GRM5: variants seen among roughly 807,000 people sequenced by gnomAD.
GRM5 encodes glutamate metabotropic receptor 5, also known as metabotropic glutamate receptor 5.
Under a neutral mutation model 83.1 loss-of-function variants are expected in GRM5, and 19 were observed. The ratio of observed to expected loss-of-function variants is 0.23; its 90% CI spans 0.16 to 0.34. The LOEUF (loss-of-function observed/expected upper bound fraction) is 0.34. Among genes scored for constraint, GRM5 ranks in the 10% least tolerant of loss-of-function variants. The pLI is 1.00. For missense variants in GRM5, 1,160 were observed against 1,588.3 expected, an observed-to-expected ratio of 0.73 and a Z score of 4.58; for synonymous variants, 675 against 633.6, an observed-to-expected ratio of 1.07 and a Z score of -0.98.
At chr11:88,923,198 G>C (rs965646477) in intron 2 of GRM5, among the ~76,000 whole-genome samples, 1 of 151,996 alleles carries the variant, frequency 6.6e-6, no homozygotes, top group Non-Finnish European at 1.5e-5. Context: ...AATTTTACTG[G>C]TATGTACCCA....
intron 4 of GRM5, among the ~76,000 whole-genome samples, chr11:88,634,729 A>AT (rs566133102): frequency 5.3e-5 from 8 of 152,352 alleles, no homozygotes; most frequent in South Asian, 2.1e-4. Context: ...CCAAGTAATG[A>AT]TAAAAATATA....
chr11:88,615,900 T>A (rs1565155338), intron 4 of GRM5, among the ~76,000 whole-genome samples: 1 of 152,182 alleles, frequency 6.6e-6, no homozygotes, highest in East Asian at 1.9e-4. Context: ...AGGGGGTGAA[T>A]ATGCAAGATG....
intron 3 of GRM5, among the ~76,000 whole-genome samples, chr11:88,797,861 CCT>C (rs778246183): frequency 1.3e-5 from 2 of 150,522 alleles, no homozygotes; most frequent in Non-Finnish European, 1.5e-5. Flanking sequence ...TTGATCTCTT[CCT>C]CTCTCTCTCT....
intron 2 of GRM5, among the ~76,000 whole-genome samples, chr11:88,922,309 A>G (rs1183917785): frequency 7.2e-5 from 11 of 152,124 alleles, no homozygotes; most frequent in African/African-American, 7.2e-5. Context: ...AAACTGGAGG[A>G]ATGACATTAC....
At position 88,508,910 on chromosome 11, in the gene GRM5, C is replaced by T; in HGVS notation, c.3321G>A (p.Thr1107=). 2 of 1,601,064 alleles carry T rather than the reference C, an allele frequency of 1.2e-6. No homozygotes were observed. Among genetic ancestry groups the T allele is most frequent in the Non-Finnish European group, 1.7e-6 (2 of 1,174,502 alleles). Residue 1107 remains threonine, a synonymous_variant, in exon 10 of 10, where the codon ACG becomes ACA. Transcript: ENST00000305447. The surrounding 1 kb of genome is among the most constrained non-coding windows in gnomAD (Gnocchi z 4.2). ...GGATTTCGGCAAAGGTCGTCATGGT[C>T]GTGGGCAACTGGATCTCTTTGGGGA... ...YLIPKEIQLP[T]TMTTFAEIQP... is the part of the protein sequence containing the mutation.
chr11:89,049,497 G>A (rs1941712520), intron 1 of GRM5, among the ~76,000 whole-genome samples: 1 of 152,166 alleles, frequency 6.6e-6, no homozygotes, highest in East Asian at 1.9e-4. Flanking sequence ...CTTCAGGAAT[G>A]TATGTAAATA....
chr11:88,707,081 A>G lies in GRM5; in HGVS notation c.912-53678T>C, dbSNP rs564307570. 9.9e-5 allele frequency among the ~76,000 whole-genome samples: 15 copies of G among 152,152 alleles called. No homozygotes were observed. The South Asian group carries it at 2.9e-3, about 29-fold the overall frequency. ...CATTTCTGAGTCCCTCCAGGAGAAC[A>G]CTTGTGGATGATCAGATTGATCCTG... On this transcript the variant is annotated intron_variant, in intron 3 of 9. Coordinates refer to ENST00000305447, the MANE Select transcript of GRM5 (RefSeq NM_001143831.3).
chr11:88,561,984 G>GC (rs942846104), intron 8 of GRM5, among the ~76,000 whole-genome samples: 1 of 152,002 alleles, frequency 6.6e-6, no homozygotes, highest in Non-Finnish European at 1.5e-5. Flanking sequence ...GCTTCGTCTA[G>GC]CCCCCTTCTC....
chr11:88,872,309 A>C (rs572044061), intron 2 of GRM5, among the ~76,000 whole-genome samples: 1 of 151,736 alleles, frequency 6.6e-6, no homozygotes, highest in African/African-American at 2.4e-5. Flanking sequence ...CAATCATCTA[A>C]AAATTATAAT....
intron 2 of GRM5, among the ~76,000 whole-genome samples, chr11:88,951,090 T>C (rs1334571624): frequency 2.0e-5 from 3 of 152,134 alleles, no homozygotes; most frequent in African/African-American, 2.4e-5. Context: ...TGTGTGTGTG[T>C]GTGTATCTGT....
intron 4 of GRM5, among the ~76,000 whole-genome samples, chr11:88,624,812 T>A (rs913497056): frequency 6.6e-6 from 1 of 152,220 alleles, no homozygotes; most frequent in Non-Finnish European, 1.5e-5. Flanking sequence ...TGTTCAATAA[T>A]ACCTATTCAG....
intron 2 of GRM5, among the ~76,000 whole-genome samples, chr11:89,039,692 CTAAAGGTAGCAGTCAG>C (rs1941483152): frequency 6.6e-6 from 1 of 152,100 alleles, no homozygotes; most frequent in Admixed American, 6.5e-5. Context: ...TATCAGATAC[CTAAAGGTAGCAGTCAG>C]GGCCCTGCTG....
chr11:88,712,708 T>C (rs985651563), intron 3 of GRM5, among the ~76,000 whole-genome samples: 14 of 152,042 alleles, frequency 9.2e-5, no homozygotes, highest in African/African-American at 3.4e-4. Flanking sequence ...GGCCATGTCA[T>C]TGATAGTCAG....
At position 88,591,627 on chromosome 11, in the gene GRM5, A is replaced by G. The variant is rs1857702; in HGVS notation, c.1564-900T>C. ...CTTTATATTTCTAGTCTTAGATGCTAACTCTAGTAATGACCTTTGATAATA... is the reference window on the plus strand; with the variant it reads ...CTTTATATTTCTAGTCTTAGATGCTGACTCTAGTAATGACCTTTGATAATA... On this transcript the variant is annotated intron_variant, in intron 6 of 9. Coordinates refer to ENST00000305447, the MANE Select transcript of GRM5 (RefSeq NM_001143831.3). 9.9e-3 allele frequency among the ~76,000 whole-genome samples: 1,510 copies of G among 152,360 alleles called. 20 individuals are homozygous for G. The highest frequency in any genetic ancestry group is 0.073 in the East Asian group (379 of 5,190).
rs779970618 is a variant in GRM5, at chr11:89,020,113, A to C, written c.661+27099T>G. ...TAATTCTCACTATTCCAGGGGCTGA[A>C]TATACCTTATCTAATTTAATTTAAC... On this transcript the variant is annotated intron_variant, in intron 2 of 9. Transcript: ENST00000305447. 2.6e-5 allele frequency among the ~76,000 whole-genome samples: 4 copies of C among 152,342 alleles called. 1 individual carries two copies. The South Asian group carries it at 6.2e-4, about 24-fold the overall frequency.
At chr11:88,672,564 CAA>C (rs1301210850) in intron 3 of GRM5, among the ~76,000 whole-genome samples, 1 of 151,748 alleles carries the variant, frequency 6.6e-6, no homozygotes, top group East Asian at 1.9e-4. Flanking sequence ...TCTAAAGTGT[CAA>C]AGAGCTGACA....
intron 2 of GRM5, among the ~76,000 whole-genome samples, chr11:88,932,524 A>G (rs538601): frequency 0.48 from 73,023 of 151,578 alleles, 18,823 homozygotes; most frequent in South Asian, 0.65. Context: ...CAGTTTAGTT[A>G]TTATATCTGC....
At chr11:88,746,316 CA>C (rs1318207199) in intron 3 of GRM5, among the ~76,000 whole-genome samples, 1 of 152,152 alleles carries the variant, frequency 6.6e-6, no homozygotes, top group Non-Finnish European at 1.5e-5. Flanking sequence ...ACTTCTACAA[CA>C]CTGTAAAGTA....
chr11:88,641,692 G>A (rs1184210212), intron 4 of GRM5, among the ~76,000 whole-genome samples: 1 of 152,186 alleles, frequency 6.6e-6, no homozygotes, highest in Non-Finnish European at 1.5e-5. Flanking sequence ...CCCAGTAGGG[G>A]AGTTATCCAG....
Sources: gnomAD v4.1 joint callset for allele counts (sites outside exome capture counted in the v4.1 genomes callset) on GRCh38, gnomAD v4.1.1 for gene constraint, Gnocchi (gnomAD v3.1) non-coding constraint, MANE v1.5 for transcripts, NCBI Gene and HGNC (gene_info 2026-07-23, HGNC 2026-07-21) for gene names.